CHMP3: variants seen among roughly 807,000 people sequenced by gnomAD.
CHMP3 encodes the protein 25.1 protein.
CHMP3 carries 8 observed loss-of-function variants against 27.4 expected under a neutral mutation model. The observed-to-expected ratio is 0.29, with a 90% CI of 0.17 to 0.53. CHMP3 has a LOEUF of 0.53. Among genes scored for constraint, CHMP3 ranks in the 20% least tolerant of loss-of-function variants. The probability of loss-of-function intolerance (pLI) is 0.96; values close to 1 mark genes in which losing one functional copy is unlikely to be tolerated. For missense variants in CHMP3, 208 were observed against 271.5 expected (o/e 0.77, Z 1.64); for synonymous variants, 86 against 85.5 (o/e 1.01, Z -0.03).
At chr2:86,537,038 T>C (rs904749016) in intron 2 of CHMP3, among the ~76,000 whole-genome samples, 3 of 152,164 alleles carry the variant, frequency 2.0e-5, no homozygotes, top group South Asian at 4.1e-4. Flanking sequence ...TTTTTGTTTT[T>C]ATTTTTTGTA....
intron 4 of CHMP3, among the ~76,000 whole-genome samples, chr2:86,508,109 AATC>A (rs1674957067): frequency 6.6e-6 from 1 of 152,188 alleles, no homozygotes; most frequent in South Asian, 2.1e-4. Flanking sequence ...AGAATGGGGT[AATC>A]TGGTAGGTCT....
chr2:86,532,860 C>T (rs1221639233), intron 2 of CHMP3, among the ~76,000 whole-genome samples: 1 of 152,150 alleles, frequency 6.6e-6, no homozygotes, highest in Non-Finnish European at 1.5e-5. Flanking sequence ...GATTTTTGCA[C>T]CAATGTTCAT....
At position 86,504,504 on chromosome 2, in the gene CHMP3, T is replaced by A. The variant is rs1019486883; in HGVS notation, c.*1300A>T. 2.1e-5 allele frequency: 1 copy of A among 47,168 alleles called. No individual in the cohort carries two copies. The highest frequency in any genetic ancestry group is 7.0e-5 in the Non-Finnish European group (1 of 14,198). The allele number at this position is 47,168 out of a possible 1,614,324, so 2.9% of individuals were successfully genotyped here. ...TCCTCTGGACTCAAAAATGAAATTT[T>A]TTTTTTTTTTTTTTTTTTTTTTTGG... On this transcript the variant is annotated 3_prime_UTR_variant, in exon 6 of 6. Coordinates refer to ENST00000263856, the MANE Select transcript of CHMP3 (RefSeq NM_016079.4).
At chr2:86,558,382 T>C (rs1021335455) in intron 1 of CHMP3, among the ~76,000 whole-genome samples, 4 of 152,226 alleles carry the variant, frequency 2.6e-5, no homozygotes, top group African/African-American at 9.6e-5. Context: ...GCTCCTAACA[T>C]AGTTAATGTT....
intron 2 of CHMP3, among the ~76,000 whole-genome samples, chr2:86,532,061 A>T (rs1337800315): frequency 6.6e-6 from 1 of 152,196 alleles, no homozygotes; most frequent in Non-Finnish European, 1.5e-5. Context: ...TGACATCTTA[A>T]CAATATCTAA....
At chr2:86,551,312 C>T (rs1676897631) in intron 1 of CHMP3, among the ~76,000 whole-genome samples, 2 of 148,286 alleles carry the variant, frequency 1.3e-5, no homozygotes, top group South Asian at 4.2e-4. Context: ...GAGTCTCTCT[C>T]TGTCACCCAT....
At chr2:86,512,721 C>T (rs1675150454) in intron 3 of CHMP3, among the ~76,000 whole-genome samples, 1 of 152,138 alleles carries the variant, frequency 6.6e-6, no homozygotes, top group Non-Finnish European at 1.5e-5. Flanking sequence ...AAGACCTGAA[C>T]AGATAACTCA....
At chr2:86,516,020 C>T (rs971724010) in intron 3 of CHMP3, among the ~76,000 whole-genome samples, 29 of 151,714 alleles carry the variant, frequency 1.9e-4, no homozygotes, top group African/African-American at 5.3e-4. Context: ...TGGTGGCGCA[C>T]GCCTGTAATC....
intron 1 of CHMP3, among the ~76,000 whole-genome samples, chr2:86,548,466 G>A (rs1475101874): frequency 6.6e-6 from 1 of 152,180 alleles, no homozygotes; most frequent in Non-Finnish European, 1.5e-5. Flanking sequence ...TTAACCCTGA[G>A]TTGACACAGC....
In CHMP3 at chr2:86,529,202, G is replaced by GT. The variant is rs1675821702; in HGVS notation, c.286+15dup. ...CCCGGCATTATGAGGTGACTGTAAGGTAAGTGCAGCCTTACCGAGCTGGTT... is the reference window on the plus strand; with the variant it reads ...CCCGGCATTATGAGGTGACTGTAAGGTTAAGTGCAGCCTTACCGAGCTGGTT... On this transcript the variant is annotated intron_variant, in intron 3 of 5. Transcript: ENST00000263856. 4 of 1,582,850 alleles carry GT rather than the reference G, an allele frequency of 2.5e-6. No homozygotes were observed. Among genetic ancestry groups the GT allele is most frequent in the Non-Finnish European group, 3.4e-6 (4 of 1,166,666 alleles).
At chr2:86,562,439 C>T (rs1036114215) in intron 1 of CHMP3, among the ~76,000 whole-genome samples, 3 of 152,120 alleles carry the variant, frequency 2.0e-5, no homozygotes, top group African/African-American at 7.2e-5. Context: ...GATGTTGATG[C>T]TGCTGGTTGG....
At chr2:86,533,903 A>G (rs902837333) in intron 2 of CHMP3, among the ~76,000 whole-genome samples, 17 of 152,124 alleles carry the variant, frequency 1.1e-4, no homozygotes, top group African/African-American at 4.1e-4. Flanking sequence ...ACTTGTCTGT[A>G]AGTATTTTCT....
At position 86,505,919 on chromosome 2, in the gene CHMP3, G is replaced by C; in HGVS notation, c.554C>G (p.Thr185Ser). ...GALGKAPSKV[T>S]DALPEPEPPG... ...AGGTTCTGGCTCTGGAAGGGCATCA[G>C]TCACTTTACTGGGTGCTTTGCCCAA... The change falls in exon 6 of 6, where the codon ACT (threonine) becomes AGT (serine). Residue 185 changes from threonine (T) to serine (S), a missense_variant. Thr to Ser is a moderately conservative substitution (Grantham distance 58, BLOSUM62 1). Transcript: ENST00000263856. 6.3e-7 allele frequency: 1 copy of C among 1,587,832 alleles called. No homozygotes were observed. The highest frequency in any genetic ancestry group is 8.6e-7 in the Non-Finnish European group (1 of 1,165,108).
chr2:86,521,431 C>T (rs557870689), intron 3 of CHMP3, among the ~76,000 whole-genome samples: 1 of 152,278 alleles, frequency 6.6e-6, no homozygotes, highest in South Asian at 2.1e-4. Flanking sequence ...CAAAATTATA[C>T]ATAACATAAA....
intron 1 of CHMP3, among the ~76,000 whole-genome samples, chr2:86,550,896 G>A (rs564344483): frequency 2.0e-5 from 3 of 152,232 alleles, no homozygotes; most frequent in South Asian, 2.1e-4. Flanking sequence ...ATGTACATAC[G>A]TTATATGCAA....
intron 3 of CHMP3, among the ~76,000 whole-genome samples, chr2:86,514,771 A>C (rs1448935964): frequency 6.6e-6 from 1 of 152,200 alleles, no homozygotes; most frequent in African/African-American, 2.4e-5. Flanking sequence ...TCTTCAAAAG[A>C]CTAGAGCATT....
rs551171532 is a variant in CHMP3 at position 86,548,894 on chromosome 2, G to A, written c.46-6582C>T. On this transcript the variant is annotated intron_variant, in intron 1 of 5. Transcript: ENST00000263856. ...CTCACATCCCAGACGATGGGCAGCC[G>A]GGCAGAGGTGCTCCCCACCTCCCAG... Among the ~76,000 whole-genome samples, 11 of 149,740 alleles carry A rather than the reference G, an allele frequency of 7.3e-5. No individual in the cohort carries two copies. The South Asian group carries it at 1.3e-3, about 17-fold the overall frequency.
chr2:86,542,579 G>A (rs148086888), intron 1 of CHMP3, among the ~76,000 whole-genome samples: 197 of 152,236 alleles, frequency 1.3e-3, no homozygotes, highest in African/African-American at 4.5e-3. Flanking sequence ...GAAAGAGTAC[G>A]GTACTGTCTA....
At chr2:86,514,680 A>T (rs964248495) in intron 3 of CHMP3, among the ~76,000 whole-genome samples, 2 of 152,240 alleles carry the variant, frequency 1.3e-5, no homozygotes, top group African/African-American at 2.4e-5. Context: ...TAAATGAATC[A>T]ATCTATAAAC....
Sources: allele counts gnomAD v4.1 joint callset (sites outside exome capture counted in the v4.1 genomes callset), GRCh38; gene constraint gnomAD v4.1.1; transcripts MANE v1.5; gene names NCBI Gene and HGNC (gene_info 2026-07-23, HGNC 2026-07-21).